The following ANKRD26 variants were observed in gnomAD, a reference collection of about 807,000 sequenced individuals.
ANKRD26 encodes the protein ankyrin repeat domain-containing protein 26.
A neutral mutation model predicts 208.7 loss-of-function variants in ANKRD26; 141 were observed. The observed-to-expected ratio is 0.68, with a 90% CI of 0.59 to 0.78. The LOEUF (loss-of-function observed/expected upper bound fraction) is 0.78. Ranked by LOEUF, ANKRD26 falls within the 30% of genes least tolerant of loss-of-function variation. The pLI is 0.00. For synonymous variants in ANKRD26, 636 were observed against 660.4 expected (o/e 0.96, Z 0.57); for missense variants, 1,889 against 1,938.7 (o/e 0.97, Z 0.48).
At chr10:26,954,861 CAT>C in the ANKRD26 span, among the ~76,000 whole-genome samples, 3 of 151,450 alleles carry the variant, frequency 2.0e-5, no homozygotes, top group Non-Finnish European at 4.4e-5. Context: ...CTTTATGAAA[CAT>C]AGTTTGTCTC....
At chr10:27,029,041 T>C (rs781552855) in intron 26 of ANKRD26, 96 bp from the exon 27 acceptor site, 103 of 1,139,740 alleles carry the variant, frequency 9.0e-5, no homozygotes, top group Non-Finnish European at 1.2e-4. Flanking sequence ...ATTACATAAA[T>C]TCTTAAAGAT....
chr10:27,028,400 T>C (rs12358854), intron 27 of ANKRD26, among the ~76,000 whole-genome samples: 12,931 of 151,442 alleles, frequency 0.085, 678 homozygotes, highest in African/African-American at 0.15. Flanking sequence ...ATCGAGACCA[T>C]CCTGGCTAAC....
chr10:27,086,928 C>T (rs573387176), intron 4 of ANKRD26, among the ~76,000 whole-genome samples: 148 of 152,034 alleles, frequency 9.7e-4, no homozygotes, highest in Non-Finnish European at 1.7e-3. Flanking sequence ...CCCGTCACTA[C>T]GCTCAGCTAA....
the ANKRD26 span, among the ~76,000 whole-genome samples, chr10:26,951,013 C>CTTTTTTTTTTTT: frequency 5.6e-4 from 57 of 100,914 alleles, 6 homozygotes; most frequent in East Asian, 3.3e-3. Flanking sequence ...CTTTTCTTTT[C>CTTTTTTTTTTTT]TTTTTCTTTT....
intron 25 of ANKRD26, 81 bp downstream of exon 25, chr10:27,033,144 C>A: frequency 2.0e-6 from 2 of 991,044 alleles, no homozygotes; most frequent in Non-Finnish European, 2.8e-6. Context: ...AAGAAGGCTA[C>A]CCACTAAATT....
At chr10:27,009,592 C>G (rs372305911) in intron 32 of ANKRD26, among the ~76,000 whole-genome samples, 80 of 152,116 alleles carry the variant, frequency 5.3e-4, no homozygotes, top group African/African-American at 1.8e-3. Context: ...AGACAAGGTG[C>G]CATCGATGGT....
the ANKRD26 span, among the ~76,000 whole-genome samples, chr10:26,953,822 C>T: frequency 1.3e-5 from 2 of 152,118 alleles, no homozygotes; most frequent in Admixed American, 6.5e-5. Flanking sequence ...CTGAAATAGC[C>T]TTTTTTGTTC....
Position 27,017,579 on chromosome 10 carries a change from G to A in ANKRD26, c.4429C>T (p.Gln1477Ter), listed in dbSNP as rs569348833. ...RNMVELGQVK[Q>*]YKQEIEERAR... is the part of the protein sequence containing the mutation. ...CTTTCTTCAATCTCCTGTTTATACT[G>A]TTTGACTTGACCAAGTTCTACCATA... Residue 1477 changes from glutamine (Q) to a stop codon, truncating the protein, a stop_gained, in exon 30 of 34, where the codon CAG becomes TAG. Transcript: ENST00000376087. LOFTEE classifies it high-confidence loss of function. 3 of 1,613,580 alleles carry A rather than the reference G, an allele frequency of 1.9e-6. No individual in the cohort carries two copies. Among genetic ancestry groups the A allele is most frequent in the Non-Finnish European group, 2.5e-6 (3 of 1,179,812 alleles).
chr10:26,975,604 G>A (rs1035819226), exon 6 of ANKRD26, among the ~76,000 whole-genome samples: 1 of 151,928 alleles, frequency 6.6e-6, no homozygotes, highest in Non-Finnish European at 1.5e-5. Flanking sequence ...CACTTCGGGA[G>A]GCCAAGGCAG....
chr10:26,972,107 C>A (rs974950447), downstream of ANKRD26, among the ~76,000 whole-genome samples: 1 of 151,670 alleles, frequency 6.6e-6, no homozygotes, highest in Non-Finnish European at 1.5e-5. Flanking sequence ...TGGTGGCGGG[C>A]GCCTGTAGTC....
At chr10:26,950,325 T>C in the ANKRD26 span, among the ~76,000 whole-genome samples, 4 of 152,234 alleles carry the variant, frequency 2.6e-5, no homozygotes, top group Non-Finnish European at 2.9e-5. Flanking sequence ...TCTGTGATGA[T>C]TGTAAGTTTC....
chr10:27,038,041 G>A lies in ANKRD26; in HGVS notation c.2389C>T (p.Gln797Ter). ...ELCSLRFSLN[Q>*]EEEKRRNADT... ...GCATTTCTTCTCTTCTCTTCTTCTT[G>A]GTTTAAGCTAAATCTGCAGTTAAAT... Residue 797 changes from glutamine to a stop codon, truncating the protein, a stop_gained, in exon 22 of 34, where the codon CAA (glutamine) becomes TAA (stop). Coordinates refer to ENST00000376087, the MANE Select transcript of ANKRD26 (RefSeq NM_014915.3). LOFTEE classifies it high-confidence loss of function. The A allele has an allele frequency of 6.2e-7, 1 of 1,608,990 alleles. No homozygotes were observed. The highest frequency in any genetic ancestry group is 8.5e-7 in the Non-Finnish European group (1 of 1,179,258).
intron 17 of ANKRD26, among the ~76,000 whole-genome samples, chr10:27,048,566 G>T (rs2054539679): frequency 6.6e-6 from 1 of 152,060 alleles, no homozygotes; most frequent in Non-Finnish European, 1.5e-5. Flanking sequence ...GTATGAGAAT[G>T]CCTTTTTTCT....
intron 9 of ANKRD26, among the ~76,000 whole-genome samples, chr10:27,068,743 C>T (rs2055361222): frequency 6.6e-6 from 1 of 151,426 alleles, no homozygotes; most frequent in African/African-American, 2.4e-5. Flanking sequence ...GTCACCCTGG[C>T]AGCAATGTAA....
chr10:27,060,878 G>A (rs2055029677), intron 13 of ANKRD26, among the ~76,000 whole-genome samples: 1 of 152,182 alleles, frequency 6.6e-6, no homozygotes, highest in Non-Finnish European at 1.5e-5. Context: ...AGCAAATCAT[G>A]ACCCTGAGAG....
chr10:27,016,875 G>GA (rs10645567), intron 30 of ANKRD26, among the ~76,000 whole-genome samples: 122,295 of 151,504 alleles, frequency 0.81, 49,674 homozygotes, highest in East Asian at 0.99. Flanking sequence ...TTAAATATGT[G>GA]AAAAAAAAGC....
intron 33 of ANKRD26, 142 bp from the exon 34 acceptor site, chr10:27,005,865 T>C (rs2052857027): frequency 1.9e-6 from 2 of 1,055,720 alleles, no homozygotes; most frequent in Non-Finnish European, 2.5e-6. Context: ...ACAATATTAC[T>C]ATTAAATATA....
At chr10:26,990,363 C>G (rs1433324133), downstream of ANKRD26, among the ~76,000 whole-genome samples, 6 of 152,010 alleles carry the variant, frequency 3.9e-5, no homozygotes, top group African/African-American at 1.5e-4. Context: ...AAGATTTAAC[C>G]AAGTGTAGAA....
intron 5 of ANKRD26, among the ~76,000 whole-genome samples, chr10:26,976,488 T>G (rs1283436168): frequency 2.0e-5 from 3 of 152,326 alleles, no homozygotes; most frequent in South Asian, 4.1e-4. Flanking sequence ...GTGCTGGGAT[T>G]ACAGGCCTGA....
Sources: gnomAD v4.1 joint callset for allele counts (sites outside exome capture counted in the v4.1 genomes callset) on GRCh38, gnomAD v4.1.1 for gene constraint, MANE v1.5 for transcripts, NCBI Gene and HGNC (gene_info 2026-07-23, HGNC 2026-07-21) for gene names.